The following DGKA variants were observed in gnomAD, a reference collection of about 807,000 sequenced individuals.
DGKA encodes the protein diacylglycerol kinase alpha.
Under a neutral mutation model 105.0 loss-of-function variants are expected in DGKA, and 35 were observed. The observed-to-expected ratio is 0.33, with a 90% CI of 0.25 to 0.44. The LOEUF is 0.44. DGKA is among the 20% of genes least tolerant of loss of function. The pLI, the probability that DGKA is intolerant of heterozygous loss-of-function variation, is 1.00. For synonymous variants in DGKA, 296 were observed against 332.0 expected (o/e 0.89, Z 1.18); for missense variants, 665 against 915.0 (o/e 0.73, Z 3.53).
rs375220932 is a variant in DGKA, at chr12:55,953,804, C to T, written c.*36C>T. The T allele has an allele frequency of 4.8e-5, 76 of 1,580,972 alleles. No individual in the cohort carries two copies. The African/African-American group carries it at 5.9e-4, about 12-fold the overall frequency. ...CTTGGCCTCCAAGCCAGCCTTGAAC[C>T]CACCTCCCTGTCCCTGGACTCTACT... On this transcript the variant is annotated 3_prime_UTR_variant, in exon 24 of 24. Transcript: ENST00000331886.
upstream of DGKA, chr12:55,927,768 A>C (rs1565720027): frequency 6.5e-7 from 1 of 1,538,878 alleles, no homozygotes; most frequent in East Asian, 2.4e-5. Context: ...CCATGGCCGA[A>C]GAGGCAGCGG....
chr12:55,928,820 C>G (rs982257555), upstream of DGKA, among the ~76,000 whole-genome samples: 2 of 151,620 alleles, frequency 1.3e-5, no homozygotes, highest in Non-Finnish European at 2.9e-5. Flanking sequence ...GTGACTTCCA[C>G]TAGAGGCCAA....
At chr12:55,948,493 C>T (rs965446206) in intron 17 of DGKA, among the ~76,000 whole-genome samples, 2 of 151,876 alleles carry the variant, frequency 1.3e-5, no homozygotes, top group Non-Finnish European at 2.9e-5. Flanking sequence ...TTTGGGAGGC[C>T]AAGGCTGGAG....
chr12:55,928,161 C>G (rs1883234763), upstream of DGKA: 1 of 203,680 alleles, frequency 4.9e-6, no homozygotes, highest in Non-Finnish European at 9.8e-6. Flanking sequence ...ACTTGTTTCC[C>G]CTACAGCCTG....
intron 17 of DGKA, among the ~76,000 whole-genome samples, chr12:55,944,827 T>C (rs1039037275): frequency 1.3e-5 from 2 of 152,076 alleles, no homozygotes; most frequent in African/African-American, 4.8e-5. Context: ...TGAGACAGAG[T>C]CTCATTCTGT....
At chr12:55,943,707 G>A (rs536756584) in intron 17 of DGKA, among the ~76,000 whole-genome samples, 2 of 151,826 alleles carry the variant, frequency 1.3e-5, no homozygotes, top group South Asian at 2.1e-4. Context: ...CTCGATGTAA[G>A]TAAAAGATGT....
chr12:55,944,018 G>A (rs73336402), intron 17 of DGKA, among the ~76,000 whole-genome samples: 9,800 of 152,252 alleles, frequency 0.064, 1,091 homozygotes, highest in African/African-American at 0.22. Context: ...ATGTTGGGCT[G>A]GGCACGGTGG....
In DGKA at chr12:55,932,707, A is replaced by C; in HGVS notation, c.-82+1363A>C. The C allele has an allele frequency of 2.0e-6, 1 of 499,752 alleles. No individual in the cohort carries two copies. The allele number at this position is 499,752 out of a possible 1,614,324, so 31.0% of individuals were successfully genotyped here. Reference sequence around the variant, plus strand: ...TGACACCCTCTACACACACACACACACGCACACACACACACACACACACAC... The same window carrying C: ...TGACACCCTCTACACACACACACACCCGCACACACACACACACACACACAC... On this transcript the variant is annotated intron_variant, in intron 1 of 23. Coordinates refer to ENST00000331886, the MANE Select transcript of DGKA (RefSeq NM_001345.5). The surrounding 1 kb of genome is among the most constrained non-coding windows in gnomAD (Gnocchi z 4.3).
intron 4 of DGKA, 85 bp downstream of exon 4, chr12:55,937,628 T>C: frequency 6.5e-7 from 1 of 1,528,776 alleles, no homozygotes; most frequent in South Asian, 1.2e-5. Context: ...TTAACTTGAG[T>C]CACACGTTGT....
chr12:55,935,952 T>TA, intron 1 of DGKA: 1 of 987,082 alleles, frequency 1.0e-6, no homozygotes, highest in Non-Finnish European at 1.2e-6. Flanking sequence ...GAAGACGCGC[T>TA]AACGCAGTAA....
At chr12:55,946,738 A>G (rs574162444) in intron 17 of DGKA, among the ~76,000 whole-genome samples, 1 of 152,230 alleles carries the variant, frequency 6.6e-6, no homozygotes, top group African/African-American at 2.4e-5. Flanking sequence ...AAAAAGGAAT[A>G]GTCAAAGAGA....
At chr12:55,939,883 C>T in intron 9 of DGKA, 199 bp from the exon 10 acceptor site, 1 of 608,588 alleles carries the variant, frequency 1.6e-6, no homozygotes, top group Non-Finnish European at 2.9e-6. Flanking sequence ...GTGGGGCAGG[C>T]ATGCAGTAGC....
chr12:55,929,855 C>T (rs1318565343), upstream of DGKA: 1 of 152,076 alleles, frequency 6.6e-6, no homozygotes, highest in East Asian at 1.9e-4. Flanking sequence ...ATTCCTTATT[C>T]GAGAGATAAC....
In DGKA at chr12:55,953,842, T is replaced by C; in HGVS notation, c.*74T>C. On this transcript the variant is annotated 3_prime_UTR_variant, in exon 24 of 24. Transcript: ENST00000331886. ...CCTGGACTCTACTCCCGAGGCTCTG[T>C]ACATTGCTGCCACATACTCCTGCCA... is the stretch of plus-strand genomic sequence containing the variant. 1.5e-6 allele frequency: 2 copies of C among 1,352,512 alleles called. No individual in the cohort carries two copies. Among genetic ancestry groups the C allele is most frequent in the Admixed American group, 1.8e-5 (1 of 55,600 alleles). 83.8% of individuals were successfully genotyped at this position (1,352,512 alleles called of 1,614,324 possible).
chr12:55,942,862 G>T (rs73336399), intron 17 of DGKA, among the ~76,000 whole-genome samples: 12,106 of 152,072 alleles, frequency 0.08, 1,667 homozygotes, highest in African/African-American at 0.28. Context: ...CTAAGATCTT[G>T]CTGGAGATCT....
At position 55,940,681 on chromosome 12, in the gene DGKA, G is replaced by A; in HGVS notation, c.976G>A (p.Asp326Asn). 2 of 1,605,542 alleles carry A rather than the reference G, an allele frequency of 1.2e-6. No homozygotes were observed. The highest frequency in any genetic ancestry group is 1.7e-4 in the Middle Eastern group (1 of 6,006). ...TGAGTGTGACTGTGGGCTGCTCCGG[G>A]ATCACATCCTGCCTCCATCTTCCAT... ...GHECDCGLLR[D>N]HILPPSSIYP... Residue 326 changes from aspartate (D) to asparagine (N), a missense_variant, in exon 12 of 24, where the codon GAT (aspartate) becomes AAT (asparagine). Transcript: ENST00000331886. This position sits in a 1 kb window ranked among gnomAD's most constrained non-coding sequence, Gnocchi z 4.3.
chr12:55,936,806 G>A lies in DGKA; in HGVS notation c.65-211G>A, dbSNP rs763675904. On this transcript the variant is annotated intron_variant, in intron 2 of 23. Coordinates refer to ENST00000331886, the MANE Select transcript of DGKA (RefSeq NM_001345.5). ...AGGTCTCGGCTCTCTACCCACCTTC[G>A]CTATACCTGGACTGCTTGCTCCAGC... 14 of 799,478 alleles carry A rather than the reference G, an allele frequency of 1.8e-5. 1 individual carries two copies. Among genetic ancestry groups the A allele is most frequent in the South Asian group, 8.5e-5 (6 of 70,722 alleles). The allele number at this position is 799,478 out of a possible 1,614,324, so 49.5% of individuals were successfully genotyped here.
rs1369124260 is a variant in DGKA at position 55,938,591 on chromosome 12, G to A, written c.399+31G>A. Reference sequence around the variant, plus strand: ...TTGGGGACCCTGTATGCTGGGCAAGGGAATATGTGTTAATTTGTCTGCACC... The same window carrying A: ...TTGGGGACCCTGTATGCTGGGCAAGAGAATATGTGTTAATTTGTCTGCACC... On this transcript the variant is annotated intron_variant, in intron 6 of 23. Coordinates refer to ENST00000331886, the MANE Select transcript of DGKA (RefSeq NM_001345.5). 2.5e-6 allele frequency: 4 copies of A among 1,613,804 alleles called. No individual in the cohort carries two copies. The Admixed American group carries it at 5.0e-5, about 20-fold the overall frequency.
In DGKA at chr12:55,941,324, A is replaced by G; in HGVS notation, c.1174A>G (p.Arg392Gly). 3 of 1,613,056 alleles carry G rather than the reference A, an allele frequency of 1.9e-6. No homozygotes were observed. Among genetic ancestry groups the G allele is most frequent in the Non-Finnish European group, 2.5e-6 (3 of 1,179,286 alleles). The change falls in exon 14 of 24, where the codon AGG becomes GGG. Residue 392 changes from arginine (R) to glycine (G), a missense_variant and splice_region_variant. Transcript: ENST00000331886. ...TAAGAGTGGCGGGAAGCAGGGGCAA[A>G]GGTGAGGAGAAATATATTGGGTCTT... The part of the protein sequence containing the change: ...NPKSGGKQGQ[R>G]VLWKFQYILN...
Sources: allele counts gnomAD v4.1 joint callset (sites outside exome capture counted in the v4.1 genomes callset), GRCh38; gene constraint gnomAD v4.1.1; non-coding constraint Gnocchi (gnomAD v3.1); transcripts MANE v1.5; gene names NCBI Gene and HGNC (gene_info 2026-07-23, HGNC 2026-07-21).